TMEM250: variants seen among roughly 807,000 people sequenced by gnomAD.
TMEM250 encodes the protein transmembrane protein 250.
A neutral mutation model predicts 7.0 loss-of-function variants in TMEM250; 7 were observed. The observed-to-expected ratio is 1.00, with a 90% confidence interval of 0.57 to 1.87. The LOEUF (loss-of-function observed/expected upper bound fraction) is 1.87. Among genes scored for constraint, TMEM250 ranks in the 40% most tolerant of loss-of-function variants. The pLI, the probability that TMEM250 is intolerant of heterozygous loss-of-function variation, is 0.00. For synonymous variants in TMEM250, 135 were observed against 96.7 expected, an observed-to-expected ratio of 1.40 and a Z score of -2.32; for missense variants, 196 against 202.5, an observed-to-expected ratio of 0.97 and a Z score of 0.19.
rs964072751 is a variant in TMEM250 at position 136,114,827 on chromosome 9, G to A, written c.*1654C>T. On this transcript the variant is annotated 3_prime_UTR_variant, in exon 2 of 2. Coordinates refer to ENST00000418388, the MANE Select transcript of TMEM250 (RefSeq NM_152833.3). ...TAACAAAAAACAAAGCTTCTTTGAG[G>A]AAACAGCATGACTTAGTGCAAAAGA... 8.5e-5 allele frequency: 13 copies of A among 152,248 alleles called. No homozygotes were observed. The highest frequency in any genetic ancestry group is 4.4e-5 in the Non-Finnish European group (3 of 68,042). The allele number at this position is 152,248 out of a possible 1,614,324, so 9.4% of individuals were successfully genotyped here. A position where few individuals can be genotyped will look rare whatever the true frequency, so the allele number is the denominator to read the frequency against.
chr9:136,116,251 TGGGC>T lies in TMEM250; in HGVS notation c.*226_*229del. On this transcript the variant is annotated 3_prime_UTR_variant, in exon 2 of 2. Transcript: ENST00000418388. ...CATGTGAGCAGGAGCCACCGGCAGG[TGGGC>T]GCTGCCCCTGAGAGTGCATACGGGG... 1 of 822,610 alleles carries T rather than the reference TGGGC, an allele frequency of 1.2e-6. No individual in the cohort carries two copies. The highest frequency in any genetic ancestry group is 1.8e-6 in the Non-Finnish European group (1 of 557,148). The allele number at this position is 822,610 out of a possible 1,614,324, so 51.0% of individuals were successfully genotyped here.
chr9:136,116,515 A>C lies in TMEM250; in HGVS notation c.386T>G (p.Leu129Arg). 1 of 1,575,342 alleles carries C rather than the reference A, an allele frequency of 6.3e-7. No homozygotes were observed. Among genetic ancestry groups the C allele is most frequent in the Non-Finnish European group, 8.6e-7 (1 of 1,168,764 alleles). The change falls in exon 2 of 2, where the codon CTG becomes CGG. Residue 129 changes from leucine to arginine, a missense_variant. Transcript: ENST00000418388. ...CACGAAGACCATGAAGCACCAGCCC[A>C]GGCCCCCGACCAGCAGCATGGTGAC... ...IHVTMLLVGG[L>R]GWCFMVFVDM
In TMEM250 at chr9:136,116,747, C is replaced by G; in HGVS notation, c.154G>C (p.Gly52Arg). The G allele has an allele frequency of 1.9e-6, 3 of 1,612,524 alleles. No homozygotes were observed. Among genetic ancestry groups the G allele is most frequent in the Non-Finnish European group, 2.5e-6 (3 of 1,179,740 alleles). ...AAGTAGAGTAGGAAGCGGATGAAGC[C>G]GTACAGCCAGCGCGTCTTGATGTAC... is the stretch of plus-strand genomic sequence containing the variant. ...DVYIKTRWLY[G>R]FIRFLLYFSC... Residue 52 changes from glycine to arginine, a missense_variant, in exon 2 of 2, where the codon GGC becomes CGC. By Grantham distance (125) the Gly-to-Arg change is moderately radical (BLOSUM62 -2). Coordinates refer to ENST00000418388, the MANE Select transcript of TMEM250 (RefSeq NM_152833.3).
chr9:136,114,822 T>C lies in TMEM250; in HGVS notation c.*1659A>G, dbSNP rs1321156657. 1 of 152,182 alleles carries C rather than the reference T, an allele frequency of 6.6e-6. No individual in the cohort carries two copies. Among genetic ancestry groups the C allele is most frequent in the Non-Finnish European group, 1.5e-5 (1 of 68,032 alleles). The allele number at this position is 152,182 out of a possible 1,614,324, so 9.4% of individuals were successfully genotyped here. ...TACGTTAACAAAAAACAAAGCTTCT[T>C]TGAGGAAACAGCATGACTTAGTGCA... On this transcript the variant is annotated 3_prime_UTR_variant, in exon 2 of 2. Transcript: ENST00000418388.
chr9:136,116,881 G>A lies in TMEM250; in HGVS notation c.20C>T (p.Pro7Leu), dbSNP rs1391144471. The A allele has an allele frequency of 5.1e-6, 8 of 1,572,322 alleles. No homozygotes were observed. Among genetic ancestry groups the A allele is most frequent in the Non-Finnish European group, 8.6e-7 (1 of 1,162,306 alleles). Residue 7 changes from proline to leucine, a missense_variant, in exon 2 of 2, where the codon CCG becomes CTG. Transcript: ENST00000418388. ...GCCGTGGAAGGAGCGCACCCGCCGC[G>A]GAATGGGCATGACCGGCATTGGGCC... MPVMPI[P>L]RRVRSFHGPH...
In TMEM250 at chr9:136,116,614, A is replaced by AC. The variant is rs1415532160; in HGVS notation, c.286dup (p.Val96GlyfsTer93). 1 of 1,607,712 alleles carries AC rather than the reference A, an allele frequency of 6.2e-7. No individual in the cohort carries two copies. Among genetic ancestry groups the AC allele is most frequent in the Admixed American group, 1.7e-5 (1 of 59,990 alleles). ...CCGGCGGCCCAGCAGCAGCAGCAGC[A>AC]CCGACAGCTTGCGCTGGAAGCGCAG... On this transcript the variant is annotated frameshift_variant, in exon 2 of 2. Transcript: ENST00000418388. LOFTEE classifies it high-confidence loss of function.
rs775257197 is a variant in TMEM250, at chr9:136,116,932, G to A, written c.-32C>T. Reference sequence around the variant, plus strand: ...CCGGCGGCGGCGGCGCTAGGTCGCAGTGGCGGCGGCGGTGTCCAGGCGGCT... The same window carrying A: ...CCGGCGGCGGCGGCGCTAGGTCGCAATGGCGGCGGCGGTGTCCAGGCGGCT... On this transcript the variant is annotated 5_prime_UTR_variant, in exon 2 of 2. Coordinates refer to ENST00000418388, the MANE Select transcript of TMEM250 (RefSeq NM_152833.3). 4.9e-6 allele frequency: 7 copies of A among 1,435,770 alleles called. No individual in the cohort carries two copies. In the South Asian group the frequency reaches 8.8e-5, roughly 18 times the overall value. The allele number at this position is 1,435,770 out of a possible 1,614,324, so 88.9% of individuals were successfully genotyped here.
In TMEM250 at chr9:136,116,122, G is replaced by C. The variant is rs1218289980; in HGVS notation, c.*359C>G. On this transcript the variant is annotated 3_prime_UTR_variant, in exon 2 of 2. Coordinates refer to ENST00000418388, the MANE Select transcript of TMEM250 (RefSeq NM_152833.3). The stretch of plus-strand genomic sequence containing the variant: ...CTGGGCACACAGCCCTCTGTGTCCA[G>C]GGGCCTCCCAGGGTGATGTCTAAAG... 2 of 447,040 alleles carry C rather than the reference G, an allele frequency of 4.5e-6. No individual in the cohort carries two copies. The highest frequency in any genetic ancestry group is 4.0e-5 in the African/African-American group (2 of 49,546). The allele number at this position is 447,040 out of a possible 1,614,324, so 27.7% of individuals were successfully genotyped here. A position where few individuals can be genotyped will look rare whatever the true frequency, so the allele number is the denominator to read the frequency against.
rs748408347 is a variant in TMEM250 at position 136,116,636 on chromosome 9, G to A, written c.265C>T (p.Arg89Cys). 5 of 1,610,136 alleles carry A rather than the reference G, an allele frequency of 3.1e-6. No homozygotes were observed. In the African/African-American group the frequency reaches 6.7e-5, roughly 21 times the overall value. ...AGCACCGACAGCTTGCGCTGGAAGC[G>A]CAGCAGGACGCGAACGCCCAGGTAC... is the stretch of plus-strand genomic sequence containing the variant. ...LQYLGVRVLL[R>C]FQRKLSVLLL... The change falls in exon 2 of 2, where the codon CGC (arginine) becomes TGC (cysteine). Residue 89 changes from arginine to cysteine, a missense_variant. Coordinates refer to ENST00000418388, the MANE Select transcript of TMEM250 (RefSeq NM_152833.3).
Position 136,116,908 on chromosome 9 carries a change from C to T in TMEM250, c.-8G>A, listed in dbSNP as rs1305806186. On this transcript the variant is annotated 5_prime_UTR_variant, in exon 2 of 2. Transcript: ENST00000418388. ...AATGGGCATGACCGGCATTGGGCCCCGGCGGCGGCGGCGCTAGGTCGCAGT... is the reference window on the plus strand; with the variant it reads ...AATGGGCATGACCGGCATTGGGCCCTGGCGGCGGCGGCGCTAGGTCGCAGT... 6.7e-6 allele frequency: 10 copies of T among 1,483,850 alleles called. No homozygotes were observed. Among genetic ancestry groups the T allele is most frequent in the South Asian group, 2.6e-5 (2 of 75,476 alleles). The allele number at this position is 1,483,850 out of a possible 1,614,324, so 91.9% of individuals were successfully genotyped here.
chr9:136,116,458 C>T lies in TMEM250; in HGVS notation c.*23G>A, dbSNP rs768979291. 1 of 1,507,570 alleles carries T rather than the reference C, an allele frequency of 6.6e-7. No individual in the cohort carries two copies. Among genetic ancestry groups the T allele is most frequent in the Non-Finnish European group, 8.9e-7 (1 of 1,129,246 alleles). 93.4% of individuals were successfully genotyped at this position (1,507,570 alleles called of 1,614,324 possible). On this transcript the variant is annotated 3_prime_UTR_variant, in exon 2 of 2. Coordinates refer to ENST00000418388, the MANE Select transcript of TMEM250 (RefSeq NM_152833.3). ...AACACAGCCACAGGCCGGGACGATA[C>T]ATCAAGCTCGCACCCACGGCCCTCA...
chr9:136,117,049 C>A, intron 1 of TMEM250, 25 bp from the exon 2 acceptor site: 1 of 1,297,928 alleles, frequency 7.7e-7, no homozygotes, highest in Non-Finnish European at 9.9e-7. Flanking sequence ...GCAAAACCCA[C>A]GTCAGTATGA....
rs548685274 is a variant in TMEM250 at position 136,116,465 on chromosome 9, C to G, written c.*16G>C. ...CCACAGGCCGGGACGATACATCAAGCTCGCACCCACGGCCCTCACATGTCC... is the reference window on the plus strand; with the variant it reads ...CCACAGGCCGGGACGATACATCAAGGTCGCACCCACGGCCCTCACATGTCC... On this transcript the variant is annotated 3_prime_UTR_variant, in exon 2 of 2. Coordinates refer to ENST00000418388, the MANE Select transcript of TMEM250 (RefSeq NM_152833.3). 6.6e-7 allele frequency: 1 copy of G among 1,516,868 alleles called. No homozygotes were observed. The highest frequency in any genetic ancestry group is 1.4e-5 in the African/African-American group (1 of 72,922). The allele number at this position is 1,516,868 out of a possible 1,614,324, so 94.0% of individuals were successfully genotyped here.
chr9:136,117,209 G>A (rs992727847), intron 1 of TMEM250, among the ~76,000 whole-genome samples, 185 bp from the exon 2 acceptor site: 1 of 152,206 alleles, frequency 6.6e-6, no homozygotes, highest in Admixed American at 6.5e-5. Context: ...TACTTCCAAG[G>A]GGCCCACCAC....
At position 136,116,073 on chromosome 9, in the gene TMEM250, G is replaced by C. The variant is rs770611107; in HGVS notation, c.*408C>G. On this transcript the variant is annotated 3_prime_UTR_variant, in exon 2 of 2. Coordinates refer to ENST00000418388, the MANE Select transcript of TMEM250 (RefSeq NM_152833.3). ...CACGCAGAAGGGGCTGTGCAGCCAG[G>C]AGGGCCCCCCTCCGGAATTGCTCCT... The C allele has an allele frequency of 3.0e-4, 124 of 417,936 alleles. No individual in the cohort carries two copies. The highest frequency in any genetic ancestry group is 5.9e-4 in the Middle Eastern group (1 of 1,694). The allele number at this position is 417,936 out of a possible 1,614,324, so 25.9% of individuals were successfully genotyped here.
In TMEM250 at chr9:136,116,022, C is replaced by T. The variant is rs1830693957; in HGVS notation, c.*459G>A. The stretch of plus-strand genomic sequence containing the variant: ...TGTCAGCGAGGGGAGCCTTCCGTGT[C>T]CCGTTGGCTGGGGCTGGGGCCAGGG... On this transcript the variant is annotated 3_prime_UTR_variant, in exon 2 of 2. Coordinates refer to ENST00000418388, the MANE Select transcript of TMEM250 (RefSeq NM_152833.3). The T allele has an allele frequency of 9.8e-6, 4 of 408,546 alleles. No individual in the cohort carries two copies. Among genetic ancestry groups the T allele is most frequent in the Admixed American group, 4.2e-5 (1 of 23,780 alleles). 25.3% of individuals were successfully genotyped at this position (408,546 alleles called of 1,614,324 possible). A position where few individuals can be genotyped will look rare whatever the true frequency, so the allele number is the denominator to read the frequency against.
chr9:136,115,146 C>T lies in TMEM250; in HGVS notation c.*1335G>A, dbSNP rs1830677193. The stretch of plus-strand genomic sequence containing the variant: ...GTGTGGGGACATGGATTTGAGGTGA[C>T]ACTAGGGTTGTCAGTACCACACCCT... On this transcript the variant is annotated 3_prime_UTR_variant, in exon 2 of 2. Transcript: ENST00000418388. The T allele has an allele frequency of 6.6e-6, 1 of 152,276 alleles. No individual in the cohort carries two copies. The highest frequency in any genetic ancestry group is 2.4e-5 in the African/African-American group (1 of 41,458). 9.4% of individuals were successfully genotyped at this position (152,276 alleles called of 1,614,324 possible).
chr9:136,117,022 G>A lies in TMEM250; in HGVS notation c.-122C>T. The A allele has an allele frequency of 7.4e-7, 1 of 1,344,914 alleles. No individual in the cohort carries two copies. Among genetic ancestry groups the A allele is most frequent in the Non-Finnish European group, 9.5e-7 (1 of 1,051,336 alleles). The allele number at this position is 1,344,914 out of a possible 1,614,324, so 83.3% of individuals were successfully genotyped here. A position where few individuals can be genotyped will look rare whatever the true frequency, so the allele number is the denominator to read the frequency against. On this transcript the variant is annotated splice_region_variant and 5_prime_UTR_variant, in exon 2 of 2. It introduces an in-frame stop codon into an upstream open reading frame of the 5' UTR. Coordinates refer to ENST00000418388, the MANE Select transcript of TMEM250 (RefSeq NM_152833.3). ...GCAGCTGACCCTGGGGGGAGGCGTC[G>A]GCCTGCGGGGAGAGCCGCAAAACCC...
chr9:136,116,909 G>C lies in TMEM250; in HGVS notation c.-9C>G. 1 of 1,485,212 alleles carries C rather than the reference G, an allele frequency of 6.7e-7. No individual in the cohort carries two copies. The allele number at this position is 1,485,212 out of a possible 1,614,324, so 92.0% of individuals were successfully genotyped here. A position where few individuals can be genotyped will look rare whatever the true frequency, so the allele number is the denominator to read the frequency against. On this transcript the variant is annotated 5_prime_UTR_variant, in exon 2 of 2. Transcript: ENST00000418388. ...ATGGGCATGACCGGCATTGGGCCCC[G>C]GCGGCGGCGGCGCTAGGTCGCAGTG...
Sources: allele counts gnomAD v4.1 joint callset (sites outside exome capture counted in the v4.1 genomes callset), GRCh38; gene constraint gnomAD v4.1.1; transcripts MANE v1.5; gene names NCBI Gene and HGNC (gene_info 2026-07-23, HGNC 2026-07-21).